GRM8: variants seen among roughly 807,000 people sequenced by gnomAD.
GRM8 encodes glutamate metabotropic receptor 8.
A neutral mutation model predicts 87.2 loss-of-function variants in GRM8; 47 were observed. The ratio of observed to expected loss-of-function variants is 0.54; its 90% CI spans 0.43 to 0.69. The LOEUF is 0.69. Ranked by LOEUF, GRM8 falls within the 30% of genes least tolerant of loss-of-function variation. The pLI is 0.00. For missense variants in GRM8, 1,019 were observed against 1,139.2 expected, an observed-to-expected ratio of 0.89 and a Z score of 1.52; for synonymous variants, 396 against 404.5, an observed-to-expected ratio of 0.98 and a Z score of 0.25.
At chr7:127,204,608 T>C (rs1795800029) in intron 2 of GRM8, among the ~76,000 whole-genome samples, 1 of 152,212 alleles carries the variant, frequency 6.6e-6, no homozygotes, top group Non-Finnish European at 1.5e-5. Context: ...TATTATTCAG[T>C]TCTATTGAGA....
intron 6 of GRM8, among the ~76,000 whole-genome samples, chr7:126,811,657 C>A (rs1458590049): frequency 1.3e-5 from 2 of 151,804 alleles, no homozygotes; most frequent in Non-Finnish European, 2.9e-5. Context: ...TGATTTGATT[C>A]TCAGCTAGAT....
At chr7:126,497,294 T>A (rs1808907292) in intron 9 of GRM8, among the ~76,000 whole-genome samples, 1 of 152,106 alleles carries the variant, frequency 6.6e-6, no homozygotes, top group South Asian at 2.1e-4. Context: ...TTAATTTTCT[T>A]AAAAGCCTTA....
At chr7:126,797,752 G>A (rs897820507) in intron 6 of GRM8, among the ~76,000 whole-genome samples, 9 of 152,038 alleles carry the variant, frequency 5.9e-5, no homozygotes, top group Non-Finnish European at 1.0e-4. Flanking sequence ...CTTAGAACAT[G>A]AAATACTATT....
At chr7:126,556,360 A>AAT (rs1281383848) in intron 8 of GRM8, among the ~76,000 whole-genome samples, 14 of 149,554 alleles carry the variant, frequency 9.4e-5, no homozygotes, top group Non-Finnish European at 1.9e-4. Context: ...AAAAAAAAAA[A>AAT]AGTGGGCCAG....
intron 9 of GRM8, among the ~76,000 whole-genome samples, chr7:126,471,124 C>T (rs1805158184): frequency 6.6e-6 from 1 of 151,790 alleles, no homozygotes; most frequent in South Asian, 2.1e-4. Context: ...CGAAAATTTT[C>T]TCCCATTTTG....
chr7:126,972,602 G>T (rs1472342578), intron 3 of GRM8, among the ~76,000 whole-genome samples: 1 of 151,916 alleles, frequency 6.6e-6, no homozygotes, highest in African/African-American at 2.4e-5. Flanking sequence ...ACAAATGCTA[G>T]ATTTAACCAA....
intron 6 of GRM8, among the ~76,000 whole-genome samples, chr7:126,773,245 T>C (rs1178465715): frequency 6.6e-6 from 1 of 152,116 alleles, no homozygotes; most frequent in East Asian, 1.9e-4. Flanking sequence ...TTGTTTTTAA[T>C]CTAATTATTT....
chr7:127,239,012 A>T (rs1798140861), intron 2 of GRM8, among the ~76,000 whole-genome samples: 1 of 152,260 alleles, frequency 6.6e-6, no homozygotes, highest in African/African-American at 2.4e-5. Flanking sequence ...GACAACACCT[A>T]GATCCCTTGC....
intron 7 of GRM8, among the ~76,000 whole-genome samples, chr7:126,698,608 C>G (rs959772635): frequency 3.8e-4 from 58 of 152,038 alleles, no homozygotes; most frequent in Non-Finnish European, 7.1e-4. Flanking sequence ...AACATTTTAT[C>G]CATCTGATAC....
At chr7:126,804,647 C>T (rs1792471699) in intron 6 of GRM8, among the ~76,000 whole-genome samples, 1 of 152,180 alleles carries the variant, frequency 6.6e-6, no homozygotes, top group Non-Finnish European at 1.5e-5. Flanking sequence ...GCATTTTATC[C>T]TCATTAAGGA....
rs551001708 is a variant in GRM8 at position 127,012,470 on chromosome 7, AT to A, written c.727+94025del. Among the ~76,000 whole-genome samples, 26 of 152,180 alleles carry A rather than the reference AT, an allele frequency of 1.7e-4. No homozygotes were observed. The South Asian group carries it at 5.4e-3, about 32-fold the overall frequency. ...TTTCCATAAAAGTATAAATATTTTA[AT>A]TTTTTGCAATGTGAAAAAAATTTAA... On this transcript the variant is annotated intron_variant, in intron 3 of 10. Transcript: ENST00000339582.
At chr7:126,596,286 C>T (rs868030219) in intron 8 of GRM8, among the ~76,000 whole-genome samples, 56 of 152,280 alleles carry the variant, frequency 3.7e-4, no homozygotes, top group Middle Eastern at 3.4e-3. Flanking sequence ...AGTGTATAAA[C>T]ATTCCCATTT....
At chr7:127,098,167 T>C (rs200577551) in intron 3 of GRM8, among the ~76,000 whole-genome samples, 4 of 152,366 alleles carry the variant, frequency 2.6e-5, no homozygotes, top group East Asian at 3.9e-4. Flanking sequence ...ATTAATTAAA[T>C]ATGATTTGTA....
chr7:126,580,898 A>G (rs1002293553), intron 8 of GRM8, among the ~76,000 whole-genome samples: 1 of 152,078 alleles, frequency 6.6e-6, no homozygotes, highest in Non-Finnish European at 1.5e-5. Flanking sequence ...AGTATACCTA[A>G]TACCCACTTC....
intron 3 of GRM8, among the ~76,000 whole-genome samples, chr7:127,010,356 T>C: frequency 6.6e-6 from 1 of 152,168 alleles, no homozygotes; most frequent in East Asian, 1.9e-4. Flanking sequence ...TCTCTTTAAA[T>C]GAATTTAGAT....
intron 3 of GRM8, among the ~76,000 whole-genome samples, chr7:127,011,269 G>GA (rs1814865970): frequency 6.6e-6 from 1 of 152,020 alleles, no homozygotes; most frequent in Non-Finnish European, 1.5e-5. Context: ...TGCTGCCCCA[G>GA]AAAAAGTAGT....
At chr7:126,837,656 G>A (rs1795926838) in intron 6 of GRM8, among the ~76,000 whole-genome samples, 1 of 152,202 alleles carries the variant, frequency 6.6e-6, no homozygotes, top group Non-Finnish European at 1.5e-5. Context: ...AGTGCCAGAT[G>A]AACATGACTG....
chr7:126,642,701 G>T (rs192823505), intron 7 of GRM8, among the ~76,000 whole-genome samples: 3 of 151,976 alleles, frequency 2.0e-5, no homozygotes, highest in Non-Finnish European at 2.9e-5. Flanking sequence ...CAAGCAAAGG[G>T]TTGTTACACC....
rs559532171 is a variant in GRM8 at position 127,049,202 on chromosome 7, A to C, written c.727+57294T>G. 5.7e-4 allele frequency among the ~76,000 whole-genome samples: 86 copies of C among 152,208 alleles called. 1 individual carries two copies. The South Asian group carries it at 0.011, about 20-fold the overall frequency. ...TAATTTTAGTAGGTCTAGAAAAATCATCTCTCTCTCTGTTAAACATACACA... is the reference window on the plus strand; with the variant it reads ...TAATTTTAGTAGGTCTAGAAAAATCCTCTCTCTCTCTGTTAAACATACACA... On this transcript the variant is annotated intron_variant, in intron 3 of 10. Coordinates refer to ENST00000339582, the MANE Select transcript of GRM8 (RefSeq NM_000845.3).
Sources: allele counts gnomAD v4.1 joint callset (sites outside exome capture counted in the v4.1 genomes callset), GRCh38; gene constraint gnomAD v4.1.1; transcripts MANE v1.5; gene names NCBI Gene and HGNC (gene_info 2026-07-23, HGNC 2026-07-21).